Variants in PPP2R3A observed in about 807,000 individuals in gnomAD.
PPP2R3A encodes the protein serine/threonine-protein phosphatase 2A regulatory subunit B'' subunit alpha.
Under a neutral mutation model 106.9 loss-of-function variants are expected in PPP2R3A, and 80 were observed. The observed-to-expected ratio is 0.75, with a 90% CI of 0.62 to 0.90. The LOEUF is 0.90. Ranked by LOEUF, PPP2R3A falls within the 40% of genes least tolerant of loss-of-function variation. The pLI, the probability that PPP2R3A is intolerant of heterozygous loss-of-function variation, is 0.00. For missense variants in PPP2R3A, 1,386 were observed against 1,350.4 expected (o/e 1.03, Z -0.41); for synonymous variants, 483 against 468.3 (o/e 1.03, Z -0.41).
At position 136,117,491 on chromosome 3, in the gene PPP2R3A, TAAAG is replaced by T. The variant is rs556690646; in HGVS notation, c.3329+11172_3329+11175del. Among the ~76,000 whole-genome samples the T allele has an allele frequency of 5.9e-4, 89 of 151,334 alleles. 1 individual carries two copies. The highest frequency in any genetic ancestry group is 1.5e-3 in the African/African-American group (60 of 41,174). On this transcript the variant is annotated intron_variant, in intron 13 of 13. Transcript: ENST00000264977. ...CAAAATAGACCTCTAGCCAGACTAA[TAAAG>T]AAGAAAAGAGAGAAGAGTCAAATAG...
chr3:136,091,602 A>C (rs551058873), intron 10 of PPP2R3A, among the ~76,000 whole-genome samples: 11 of 152,308 alleles, frequency 7.2e-5, no homozygotes, highest in Admixed American at 1.3e-4. Flanking sequence ...GGGTATAGTG[A>C]GCAGGACACC....
At chr3:135,973,638 A>G (rs1937308934) in intron 1 of PPP2R3A, among the ~76,000 whole-genome samples, 1 of 152,172 alleles carries the variant, frequency 6.6e-6, no homozygotes, top group Admixed American at 6.5e-5. Context: ...GGCCCTAAAG[A>G]GTTTTCAGGC....
chr3:136,102,029 A>G lies in PPP2R3A; in HGVS notation c.2950A>G (p.Met984Val), dbSNP rs1937373727. 12 of 1,613,896 alleles carry G rather than the reference A, an allele frequency of 7.4e-6. No homozygotes were observed. Among genetic ancestry groups the G allele is most frequent in the African/African-American group, 6.7e-5 (5 of 74,922 alleles). The change falls in exon 11 of 14, where the codon ATG becomes GTG. Residue 984 changes from methionine (M) to valine (V), a missense_variant. By Grantham distance (21) the Met-to-Val change is conservative. Coordinates refer to ENST00000264977, the MANE Select transcript of PPP2R3A (RefSeq NM_002718.5). ...TAGCATTGAGTATTGGTTCCGCTGCATGGATGTGGATGGAGACGGTGTACT... is the reference window on the plus strand; with the variant it reads ...TAGCATTGAGTATTGGTTCCGCTGCGTGGATGTGGATGGAGACGGTGTACT... ...PTSIEYWFRCMDVDGDGVLSM... is the reference protein window; with the variant it reads ...PTSIEYWFRCVDVDGDGVLSM...
At chr3:136,141,726 A>G (rs761392096) in intron 13 of PPP2R3A, among the ~76,000 whole-genome samples, 19 of 152,326 alleles carry the variant, frequency 1.2e-4, no homozygotes, top group Non-Finnish European at 1.6e-4. Context: ...CAAGACCATA[A>G]CCTATTCCAA....
At chr3:136,107,907 TG>T (rs1937542551) in intron 13 of PPP2R3A, among the ~76,000 whole-genome samples, 1 of 152,152 alleles carries the variant, frequency 6.6e-6, no homozygotes, top group African/African-American at 2.4e-5. Context: ...GCAACAATGC[TG>T]CAGTTAAGAA....
At chr3:136,062,736 A>G (rs1376319166) in intron 5 of PPP2R3A, among the ~76,000 whole-genome samples, 1 of 150,634 alleles carries the variant, frequency 6.6e-6, no homozygotes, top group Non-Finnish European at 1.5e-5. Flanking sequence ...AAAAAAAAGA[A>G]TAAGGAAACA....
chr3:136,120,310 G>A (rs994684104), intron 13 of PPP2R3A, among the ~76,000 whole-genome samples: 8 of 152,048 alleles, frequency 5.3e-5, no homozygotes, highest in Admixed American at 1.3e-4. Flanking sequence ...GCCTCTGGTC[G>A]GGTGCAGTGG....
intron 13 of PPP2R3A, among the ~76,000 whole-genome samples, chr3:136,136,073 A>AAAAATT (rs772996996): frequency 1.1e-4 from 2 of 17,794 alleles, no homozygotes; most frequent in African/African-American, 1.9e-4. Flanking sequence ...AAAAAAAAAA[A>AAAAATT]TTATATATAT....
chr3:136,132,521 TCA>T lies in PPP2R3A; in HGVS notation c.3330-12519_3330-12518del, dbSNP rs201181871. On this transcript the variant is annotated intron_variant, in intron 13 of 13. Coordinates refer to ENST00000264977, the MANE Select transcript of PPP2R3A (RefSeq NM_002718.5). ...ATTGAAATAAAAAGAATAATTCTAT[TCA>T]CAGTCATATCAAAAAGAATATGAAA... 2.3e-3 allele frequency among the ~76,000 whole-genome samples: 353 copies of T among 151,858 alleles called. 2 individuals are homozygous for T. Among genetic ancestry groups the T allele is most frequent in the African/African-American group, 7.2e-3 (297 of 41,436 alleles).
chr3:136,022,969 GAAA>G (rs1934516339), intron 2 of PPP2R3A: 1 of 1,558,096 alleles, frequency 6.4e-7, no homozygotes, highest in African/African-American at 1.4e-5. Context: ...GAGATAAGAA[GAAA>G]AAATACCTTC....
intron 2 of PPP2R3A, among the ~76,000 whole-genome samples, chr3:136,013,532 A>T (rs1319805353): frequency 6.6e-6 from 1 of 151,914 alleles, no homozygotes; most frequent in African/African-American, 2.4e-5. Context: ...TTGATTTTTT[A>T]AATTATGGCC....
At chr3:136,065,737 A>G (rs1936245010) in intron 5 of PPP2R3A, among the ~76,000 whole-genome samples, 1 of 152,242 alleles carries the variant, frequency 6.6e-6, no homozygotes, top group African/African-American at 2.4e-5. Flanking sequence ...ATGCAGTGGC[A>G]CCATCACAGC....
At chr3:136,087,355 A>C (rs1936978181) in intron 8 of PPP2R3A, 1 of 145,082 alleles carries the variant, frequency 6.9e-6, no homozygotes, top group African/African-American at 2.5e-5. Context: ...TCCTGATGGA[A>C]TTTCTAAAAA....
rs1045250144 is a variant in PPP2R3A, at chr3:136,094,891, C to T, written c.2927+4224C>T. On this transcript the variant is annotated intron_variant, in intron 10 of 13. Transcript: ENST00000264977. Reference sequence around the variant, plus strand: ...AACTCATTTTATAAACAAAACCAGACAAACACATACCAGAGAATAAAACTA... The same window carrying T: ...AACTCATTTTATAAACAAAACCAGATAAACACATACCAGAGAATAAAACTA... 4.6e-5 allele frequency among the ~76,000 whole-genome samples: 7 copies of T among 151,972 alleles called. 1 individual carries two copies. The highest frequency in any genetic ancestry group is 1.7e-4 in the African/African-American group (7 of 41,532).
At chr3:136,080,546 A>C (rs1936750150) in intron 7 of PPP2R3A, among the ~76,000 whole-genome samples, 1 of 152,214 alleles carries the variant, frequency 6.6e-6, no homozygotes, top group African/African-American at 2.4e-5. Context: ...TTTGCTTCTA[A>C]ATATGTGCTT....
chr3:136,067,825 T>G (rs531198586), intron 5 of PPP2R3A, among the ~76,000 whole-genome samples: 166 of 152,304 alleles, frequency 1.1e-3, no homozygotes, highest in African/African-American at 3.6e-3. Context: ...AGCCAGGGCT[T>G]CTTAGACAAA....
rs771614143 is a variant in PPP2R3A at position 136,106,264 on chromosome 3, G to A, written c.3271G>A (p.Ala1091Thr). ...PEPSDWDRFA[A>T]EEYETLVAEE... ...GCCCTCAGACTGGGACCGGTTTGCC[G>A]CTGAGGAGTATGAGACGCTTGTTGC... The change falls in exon 13 of 14, where the codon GCT becomes ACT. Residue 1091 changes from alanine to threonine, a missense_variant. Transcript: ENST00000264977. 20 of 1,612,494 alleles carry A rather than the reference G, an allele frequency of 1.2e-5. No homozygotes were observed. The highest frequency in any genetic ancestry group is 4.4e-5 in the South Asian group (4 of 90,526).
At chr3:136,108,614 A>C (rs1559925144) in intron 13 of PPP2R3A, among the ~76,000 whole-genome samples, 1 of 152,146 alleles carries the variant, frequency 6.6e-6, no homozygotes, top group Non-Finnish European at 1.5e-5. Context: ...CATATCCAGG[A>C]AATACTGATA....
intron 4 of PPP2R3A, among the ~76,000 whole-genome samples, chr3:136,047,995 G>T (rs1159950048): frequency 6.6e-6 from 1 of 151,968 alleles, no homozygotes; most frequent in Non-Finnish European, 1.5e-5. Flanking sequence ...CTAGCTATTG[G>T]TACTATGCTC....
Sources: allele counts gnomAD v4.1 joint callset (sites outside exome capture counted in the v4.1 genomes callset), GRCh38; gene constraint gnomAD v4.1.1; transcripts MANE v1.5; gene names NCBI Gene and HGNC (gene_info 2026-07-23, HGNC 2026-07-21).